Variants in CAPN14 observed in about 807,000 individuals in gnomAD.
CAPN14 encodes calpain-14.
CAPN14 carries 94 observed loss-of-function variants against 101.3 expected under a neutral mutation model. The ratio of observed to expected loss-of-function variants is 0.93; its 90% CI spans 0.79 to 1.10. CAPN14 has a LOEUF of 1.10. Among genes scored for constraint, CAPN14 ranks in the 50% least tolerant of loss-of-function variants. The probability of loss-of-function intolerance (pLI) is 0.00; values close to 1 mark genes in which losing one functional copy is unlikely to be tolerated. For missense variants in CAPN14, 837 were observed against 828.4 expected (o/e 1.01, Z -0.13); for synonymous variants, 338 against 317.9 (o/e 1.06, Z -0.67).
chr2:31,202,467 G>A (rs1253276025), intron 3 of CAPN14, among the ~76,000 whole-genome samples: 2 of 152,036 alleles, frequency 1.3e-5, no homozygotes, highest in African/African-American at 4.8e-5. Context: ...CATGTTCCTG[G>A]GCCAGATTTT....
intron 8 of CAPN14, among the ~76,000 whole-genome samples, chr2:31,196,450 G>C (rs143304278): frequency 6.6e-6 from 1 of 152,196 alleles, no homozygotes; most frequent in Non-Finnish European, 1.5e-5. Flanking sequence ...TTACTAATGT[G>C]TAACAAATAT....
At chr2:31,231,090 C>T (rs1558643316) in intron 1 of CAPN14, among the ~76,000 whole-genome samples, 2 of 152,016 alleles carry the variant, frequency 1.3e-5, no homozygotes, top group Admixed American at 1.3e-4. Context: ...TTACTGTTGT[C>T]CTCTTCTCTT....
In CAPN14 at chr2:31,174,629, C is replaced by CAGAG; in HGVS notation, c.*51_*52insCTCT. 1 of 1,547,042 alleles carries CAGAG rather than the reference C, an allele frequency of 6.5e-7. No individual in the cohort carries two copies. The highest frequency in any genetic ancestry group is 2.0e-5 in the Admixed American group (1 of 51,002). On this transcript the variant is annotated 3_prime_UTR_variant, in exon 22 of 22. Coordinates refer to ENST00000403897, the MANE Select transcript of CAPN14 (RefSeq NM_001145122.2). The stretch of plus-strand genomic sequence containing the variant: ...ATGGGTTGGTCTCAGCCAAAGGCTG[C>CAGAG]TCTTGGGCCACATGCAGAGTCTTCA...
At chr2:31,201,736 T>C in intron 5 of CAPN14, 126 bp downstream of exon 5, 1 of 1,241,044 alleles carries the variant, frequency 8.1e-7, no homozygotes, top group Non-Finnish European at 1.1e-6. Flanking sequence ...TTGTCACTTC[T>C]ATGTTGGCTA....
intron 19 of CAPN14, among the ~76,000 whole-genome samples, chr2:31,177,402 G>A (rs184566553): frequency 1.3e-3 from 201 of 152,316 alleles, no homozygotes; most frequent in African/African-American, 4.4e-3. Flanking sequence ...TTCAATGAAG[G>A]AGGCAGTCTG....
chr2:31,192,271 C>T (rs1681233897), intron 10 of CAPN14, among the ~76,000 whole-genome samples, 173 bp from the exon 11 acceptor site: 2 of 152,176 alleles, frequency 1.3e-5, no homozygotes, highest in Middle Eastern at 3.2e-3. Flanking sequence ...TCCCACCTTG[C>T]TCTTCCACCT....
chr2:31,174,739 G>C (rs1213381398), intron 21 of CAPN14, 32 bp from the exon 22 acceptor site: 1 of 1,551,206 alleles, frequency 6.4e-7, no homozygotes. Flanking sequence ...ATGATGGTCA[G>C]TTCAGACCCA....
Position 31,230,053 on chromosome 2 carries a change from G to A in CAPN14, c.-176-3402C>T, listed in dbSNP as rs905838099. Reference sequence around the variant, plus strand: ...TTTTTGTAACTTTCATTTTAGGTTCGGGGGTACATGTGAAGGTTTGTTATA... The same window carrying A: ...TTTTTGTAACTTTCATTTTAGGTTCAGGGGTACATGTGAAGGTTTGTTATA... On this transcript the variant is annotated intron_variant and NMD_transcript_variant, in intron 1 of 21. Coordinates refer to the CAPN14 transcript ENST00000398824. The surrounding 1 kb of genome is among the most constrained non-coding windows in gnomAD (Gnocchi z 4.3). 2.6e-5 allele frequency among the ~76,000 whole-genome samples: 4 copies of A among 152,030 alleles called. No homozygotes were observed. The highest frequency in any genetic ancestry group is 5.9e-5 in the Non-Finnish European group (4 of 68,012).
At chr2:31,213,580 T>G (rs966285767) in intron 1 of CAPN14, among the ~76,000 whole-genome samples, 15 of 152,240 alleles carry the variant, frequency 9.9e-5, no homozygotes, top group African/African-American at 3.6e-4. Flanking sequence ...AAGCTCCAAG[T>G]AGGAACTCAC....
intron 1 of CAPN14, among the ~76,000 whole-genome samples, chr2:31,217,227 G>A (rs1367348123): frequency 6.6e-6 from 1 of 152,052 alleles, no homozygotes; most frequent in African/African-American, 2.4e-5. Flanking sequence ...AGGAGATTGG[G>A]GCCAAAGGGC....
At chr2:31,208,394 C>T (rs530809461) in intron 1 of CAPN14, among the ~76,000 whole-genome samples, 133 of 152,308 alleles carry the variant, frequency 8.7e-4, no homozygotes, top group African/African-American at 2.9e-3. Flanking sequence ...CCCTTGGCTT[C>T]AGAACCTCCC....
Position 31,182,185 on chromosome 2 carries a change from C to G in CAPN14, c.1646-1185G>C, listed in dbSNP as rs564348575. ...AATTAGGTATTGATGGGACGTATCT[C>G]AAAATAATAAGAGCTATCTATGACA... On this transcript the variant is annotated intron_variant, in intron 16 of 21. Coordinates refer to ENST00000403897, the MANE Select transcript of CAPN14 (RefSeq NM_001145122.2). 3.1e-3 allele frequency among the ~76,000 whole-genome samples: 467 copies of G among 151,774 alleles called. 5 individuals carry two copies. Among genetic ancestry groups the G allele is most frequent in the African/African-American group, 0.011 (444 of 41,308 alleles).
At position 31,191,972 on chromosome 2, in the gene CAPN14, C is replaced by T. The variant is rs1027157565; in HGVS notation, c.1241G>A (p.Arg414Gln). 27 of 1,551,362 alleles carry T rather than the reference C, an allele frequency of 1.7e-5. No homozygotes were observed. The highest frequency in any genetic ancestry group is 1.1e-4 in the African/African-American group (8 of 73,040). ...LQKPRHRCRK[R>Q]KPLLAIGFYL... ...GAAGCCAATGGCGAGGAGAGGCTTC[C>T]GCTTGCGGCACCTGTGCCTGGGCTT... The change falls in exon 11 of 22, where the codon CGG becomes CAG. Residue 414 changes from arginine to glutamine, a missense_variant. Coordinates refer to ENST00000403897, the MANE Select transcript of CAPN14 (RefSeq NM_001145122.2).
At chr2:31,203,528 G>A (rs184490379) in intron 2 of CAPN14, among the ~76,000 whole-genome samples, 3 of 152,028 alleles carry the variant, frequency 2.0e-5, no homozygotes, top group Non-Finnish European at 2.9e-5. Context: ...CTAATATGAT[G>A]TTCTTTTTGG....
chr2:31,185,032 A>G (rs1201513524), intron 16 of CAPN14, among the ~76,000 whole-genome samples: 2 of 152,354 alleles, frequency 1.3e-5, no homozygotes, highest in East Asian at 1.9e-4. Context: ...ACTACATTTC[A>G]TCTTTTTGGT....
intron 1 of CAPN14, chr2:31,226,736 T>G (rs772814878): frequency 6.6e-6 from 1 of 152,306 alleles, no homozygotes; most frequent in African/African-American, 2.4e-5. Context: ...CAGAGCCCAG[T>G]GTGATGGCTG....
rs2148686103 is a variant in CAPN14, at chr2:31,197,252, T to A, written c.872A>T (p.Asp291Val). 1 of 1,549,906 alleles carries A rather than the reference T, an allele frequency of 6.5e-7. No individual in the cohort carries two copies. Among genetic ancestry groups the A allele is most frequent in the East Asian group, 2.4e-5 (1 of 40,892 alleles). The change falls in exon 8 of 22, where the codon GAC (aspartate) becomes GTC (valine). Residue 291 changes from aspartate to valine, a missense_variant. Physicochemically the swap from Asp to Val is radical, Grantham distance 152 (BLOSUM62 -3). Coordinates refer to ENST00000403897, the MANE Select transcript of CAPN14 (RefSeq NM_001145122.2). ...GKVEWKGDWS[D>V]SSSKWELLSP... Reference sequence around the variant, plus strand: ...CCAAGATGTCCCCAAAGTTCACCTGTCACTCCAGTCTCCTTTCCATTCCAC... The same window carrying A: ...CCAAGATGTCCCCAAAGTTCACCTGACACTCCAGTCTCCTTTCCATTCCAC...
At chr2:31,196,596 T>C (rs1162636183) in intron 8 of CAPN14, among the ~76,000 whole-genome samples, 1 of 152,176 alleles carries the variant, frequency 6.6e-6, no homozygotes, top group East Asian at 1.9e-4. Context: ...GGATTAAGTA[T>C]TATACATCTT....
intron 1 of CAPN14, among the ~76,000 whole-genome samples, chr2:31,231,231 T>A (rs1183349805): frequency 6.6e-6 from 1 of 152,226 alleles, no homozygotes; most frequent in East Asian, 1.9e-4. Context: ...TTATACATTT[T>A]AGAATCACCT....
Sources: gnomAD v4.1 joint callset for allele counts (sites outside exome capture counted in the v4.1 genomes callset) on GRCh38, gnomAD v4.1.1 for gene constraint, Gnocchi (gnomAD v3.1) non-coding constraint, MANE v1.5 for transcripts, NCBI Gene and HGNC (gene_info 2026-07-23, HGNC 2026-07-21) for gene names.